The following PTPRD variants were observed in gnomAD, a reference collection of about 807,000 sequenced individuals.
PTPRD encodes receptor-type tyrosine-protein phosphatase delta.
Under a neutral mutation model 214.5 loss-of-function variants are expected in PTPRD, and 34 were observed. The observed-to-expected ratio is 0.16, with a 90% CI of 0.12 to 0.21. PTPRD has a LOEUF of 0.21. Among genes scored for constraint, PTPRD ranks in the 10% least tolerant of loss-of-function variants. PTPRD has a pLI of 1.00. For synonymous variants in PTPRD, 1,128 were observed against 845.7 expected (o/e 1.33, Z -5.79); for missense variants, 2,545 against 2,398.7 (o/e 1.06, Z -1.27).
At chr9:9,673,808 A>G (rs10217295) in intron 7 of PTPRD, among the ~76,000 whole-genome samples, 59,757 of 151,298 alleles carry the variant, frequency 0.39, 12,107 homozygotes, top group Admixed American at 0.52. Flanking sequence ...GACAGATTAC[A>G]TATAAGGAAA....
In PTPRD at chr9:8,480,522, C is replaced by A. The variant is rs530855955; in HGVS notation, c.3413+3597G>T. Among the ~76,000 whole-genome samples, 22 of 152,302 alleles carry A rather than the reference C, an allele frequency of 1.4e-4. No individual in the cohort carries two copies. The South Asian group carries it at 4.6e-3, about 32-fold the overall frequency. On this transcript the variant is annotated intron_variant, in intron 30 of 45. Coordinates refer to ENST00000381196, the MANE Select transcript of PTPRD (RefSeq NM_002839.4). ...AATGAGAAAGGACACACTGTCGCTA[C>A]TGAATCCCTGAAACATTAACGTTGA...
intron 2 of PTPRD, among the ~76,000 whole-genome samples, chr9:10,541,120 G>C (rs557168447): frequency 6.6e-6 from 1 of 152,114 alleles, no homozygotes; most frequent in Non-Finnish European, 1.5e-5. Flanking sequence ...CTGCTTTATG[G>C]CATAAAACAG....
At chr9:10,121,166 C>G (rs1421330952) in intron 3 of PTPRD, among the ~76,000 whole-genome samples, 1 of 152,034 alleles carries the variant, frequency 6.6e-6, no homozygotes, top group Non-Finnish European at 1.5e-5. Flanking sequence ...TATTGATTAT[C>G]AGAGATAATT....
intron 39 of PTPRD, among the ~76,000 whole-genome samples, chr9:8,361,838 G>C (rs1194133578): frequency 1.3e-5 from 2 of 152,174 alleles, no homozygotes; most frequent in African/African-American, 4.8e-5. Context: ...CCCGCTTAAG[G>C]TAAAGCACTT....
At chr9:10,397,381 G>A (rs1312475279) in intron 2 of PTPRD, among the ~76,000 whole-genome samples, 1 of 151,990 alleles carries the variant, frequency 6.6e-6, no homozygotes, top group Non-Finnish European at 1.5e-5. Context: ...TGCTGTACTT[G>A]TTACCTAGCA....
Position 10,542,524 on chromosome 9 carries a change from A to G in PTPRD, c.-600+69874T>C, listed in dbSNP as rs544301695. ...GCTCATATCTGATAAAATTACTTAAATACCTAGTGATGTTGTCTTATTAGA... is the reference window on the plus strand; with the variant it reads ...GCTCATATCTGATAAAATTACTTAAGTACCTAGTGATGTTGTCTTATTAGA... On this transcript the variant is annotated intron_variant, in intron 2 of 45. Coordinates refer to ENST00000381196, the MANE Select transcript of PTPRD (RefSeq NM_002839.4). 6.4e-4 allele frequency among the ~76,000 whole-genome samples: 97 copies of G among 152,030 alleles called. 1 individual carries two copies. The highest frequency in any genetic ancestry group is 2.1e-3 in the African/African-American group (89 of 41,496).
chr9:10,334,971 G>A (rs1045979496), intron 3 of PTPRD, among the ~76,000 whole-genome samples: 3 of 151,726 alleles, frequency 2.0e-5, no homozygotes, highest in Non-Finnish European at 2.9e-5. Flanking sequence ...AATATTCCAT[G>A]TTCAAGAACA....
intron 9 of PTPRD, among the ~76,000 whole-genome samples, chr9:9,310,212 G>A (rs1958506994): frequency 6.6e-6 from 1 of 152,140 alleles, no homozygotes; most frequent in Non-Finnish European, 1.5e-5. Flanking sequence ...AGGAAAGTAG[G>A]AGGACAGAGA....
intron 29 of PTPRD, 41 bp from the exon 30 acceptor site, chr9:8,484,419 G>C: frequency 3.2e-6 from 5 of 1,569,752 alleles, no homozygotes; most frequent in East Asian, 2.3e-5. Flanking sequence ...CTGGTTATCA[G>C]AGAGGCAAAA....
intron 11 of PTPRD, among the ~76,000 whole-genome samples, chr9:8,930,067 C>T (rs975463056): frequency 4.6e-5 from 7 of 151,660 alleles, no homozygotes; most frequent in African/African-American, 9.7e-5. Context: ...CCCATTAACT[C>T]GTCATTTACA....
At chr9:8,566,175 C>G (rs891424020) in intron 14 of PTPRD, among the ~76,000 whole-genome samples, 1 of 147,480 alleles carries the variant, frequency 6.8e-6, no homozygotes, top group Admixed American at 6.9e-5. Flanking sequence ...AATGCATTCT[C>G]TTTGGCAGGG....
intron 4 of PTPRD, among the ~76,000 whole-genome samples, chr9:9,941,423 A>G (rs1165080142): frequency 6.6e-6 from 1 of 152,138 alleles, no homozygotes; most frequent in Non-Finnish European, 1.5e-5. Flanking sequence ...CTTGGGTTCA[A>G]GTGATTCTCC....
At chr9:8,820,931 A>C (rs1264384259) in intron 11 of PTPRD, among the ~76,000 whole-genome samples, 1 of 152,170 alleles carries the variant, frequency 6.6e-6, no homozygotes, top group East Asian at 1.9e-4. Context: ...GATGTCATAC[A>C]ATCATTTTAA....
rs1432019125 is a variant in PTPRD, at chr9:8,340,415, G to T, written c.5181C>A (p.Asp1727Glu). ...TGTGTTCCCAGAGCATCCGCCAGAA[G>T]TCTTCAGTGGTCTCTGCCAAGGGCC... ...TQGPLAETTEDFWRMLWEHNS... is the reference protein window; with the variant it reads ...TQGPLAETTEEFWRMLWEHNS... The change falls in exon 42 of 46, where the codon GAC (aspartate) becomes GAA (glutamate). Residue 1727 changes from aspartate to glutamate, a missense_variant. Coordinates refer to ENST00000381196, the MANE Select transcript of PTPRD (RefSeq NM_002839.4). 3 of 1,609,580 alleles carry T rather than the reference G, an allele frequency of 1.9e-6. No homozygotes were observed. Among genetic ancestry groups the T allele is most frequent in the Non-Finnish European group, 2.5e-6 (3 of 1,176,922 alleles).
At chr9:10,422,875 A>T (rs2098557831) in intron 2 of PTPRD, among the ~76,000 whole-genome samples, 2 of 152,242 alleles carry the variant, frequency 1.3e-5, no homozygotes, top group Middle Eastern at 3.4e-3. Context: ...AACAAGTTCA[A>T]CCATTGTGGA....
At chr9:9,014,109 G>A (rs1045544406) in intron 11 of PTPRD, among the ~76,000 whole-genome samples, 1 of 151,636 alleles carries the variant, frequency 6.6e-6, no homozygotes, top group Admixed American at 6.6e-5. Context: ...AATACTCAGA[G>A]AGGAATAGTA....
At chr9:9,605,522 C>G (rs1035964212) in intron 7 of PTPRD, among the ~76,000 whole-genome samples, 2 of 152,004 alleles carry the variant, frequency 1.3e-5, no homozygotes, top group African/African-American at 2.4e-5. Flanking sequence ...TTCCCCACAA[C>G]AAAAGTTTTC....
intron 5 of PTPRD, among the ~76,000 whole-genome samples, chr9:9,901,969 TA>T (rs2076507491): frequency 6.6e-6 from 1 of 152,236 alleles, no homozygotes; most frequent in Non-Finnish European, 1.5e-5. Flanking sequence ...GTATGATCTG[TA>T]ATTTTCATAT....
intron 8 of PTPRD, among the ~76,000 whole-genome samples, chr9:9,479,413 C>T (rs1277747078): frequency 6.6e-6 from 1 of 151,806 alleles, no homozygotes; most frequent in Non-Finnish European, 1.5e-5. Flanking sequence ...TGAAAACTAA[C>T]TCAGAATTAT....
Sources: gnomAD v4.1 joint callset for allele counts (sites outside exome capture counted in the v4.1 genomes callset) on GRCh38, gnomAD v4.1.1 for gene constraint, MANE v1.5 for transcripts, NCBI Gene and HGNC (gene_info 2026-07-23, HGNC 2026-07-21) for gene names.